RBFOX1: variants seen among roughly 807,000 people sequenced by gnomAD.
The protein encoded by RBFOX1 is RNA binding protein fox-1 homolog 1.
RBFOX1 carries 8 observed loss-of-function variants against 57.7 expected under a neutral mutation model. That is an observed-to-expected ratio of 0.14 (90% CI 0.08 to 0.25). RBFOX1 has a LOEUF of 0.25. Among genes scored for constraint, RBFOX1 ranks in the 10% least tolerant of loss-of-function variants. RBFOX1 has a pLI of 1.00. For missense variants in RBFOX1, 611 were observed against 548.5 expected (o/e 1.11, Z -1.14); for synonymous variants, 326 against 222.4 (o/e 1.47, Z -4.15).
chr16:6,674,976 G>T (rs2057371700), intron 3 of RBFOX1, among the ~76,000 whole-genome samples: 1 of 151,996 alleles, frequency 6.6e-6, no homozygotes, highest in Non-Finnish European at 1.5e-5. Flanking sequence ...CATGATCTTG[G>T]CTCACTGCAA....
intron 2 of RBFOX1, among the ~76,000 whole-genome samples, chr16:6,592,353 C>A (rs1029642427): frequency 1.6e-4 from 25 of 152,278 alleles, no homozygotes; most frequent in African/African-American, 5.8e-4. Flanking sequence ...TCTTAGCTAT[C>A]CACAAAGGGT....
chr16:6,676,142 G>GCACA lies in RBFOX1; in HGVS notation c.-16+21528_-16+21531dup, dbSNP rs59806354. Among the ~76,000 whole-genome samples, 364 of 145,952 alleles carry GCACA rather than the reference G, an allele frequency of 2.5e-3. 3 individuals carry two copies. Among genetic ancestry groups the GCACA allele is most frequent in the African/African-American group, 8.8e-3 (342 of 38,806 alleles). ...CTGCCTAGGGGACACACACACACGC[G>GCACA]CACACACACACACACACACACACAC... On this transcript the variant is annotated intron_variant, in intron 3 of 15. Transcript: ENST00000550418.
intron 3 of RBFOX1, among the ~76,000 whole-genome samples, chr16:7,004,937 A>G (rs372058572): frequency 3.3e-5 from 5 of 152,298 alleles, no homozygotes; most frequent in East Asian, 1.9e-4. Flanking sequence ...TGAGGTCAGG[A>G]GTTCGAGACC....
At chr16:6,432,113 C>T (rs1050661521) in intron 2 of RBFOX1, among the ~76,000 whole-genome samples, 6 of 151,946 alleles carry the variant, frequency 3.9e-5, no homozygotes, top group African/African-American at 1.2e-4. Flanking sequence ...AGGTGCATAC[C>T]ATCAGGCCTT....
intron 1 of RBFOX1, among the ~76,000 whole-genome samples, chr16:5,404,124 G>T (rs573959400): frequency 3.3e-5 from 5 of 151,622 alleles, no homozygotes; most frequent in Non-Finnish European, 5.9e-5. Flanking sequence ...AGATGGGGAT[G>T]ATTAACACTG....
intron 4 of RBFOX1, among the ~76,000 whole-genome samples, chr16:7,183,904 G>C (rs555622358): frequency 6.6e-6 from 1 of 152,272 alleles, no homozygotes; most frequent in African/African-American, 2.4e-5. Context: ...GTAGTTTAAA[G>C]GGGATAGATG....
chr16:7,447,430 CAAAA>C (rs202234230), intron 4 of RBFOX1, among the ~76,000 whole-genome samples: 3 of 98,534 alleles, frequency 3.0e-5, no homozygotes, highest in Admixed American at 1.1e-4. Flanking sequence ...GAGTCTATCT[CAAAA>C]AAAAAAAAAA....
chr16:7,371,660 G>A (rs2097568473), intron 4 of RBFOX1, among the ~76,000 whole-genome samples: 1 of 152,178 alleles, frequency 6.6e-6, no homozygotes, highest in South Asian at 2.1e-4. Flanking sequence ...TGAGGCAGGA[G>A]AATCGCTTGA....
chr16:7,234,178 A>T (rs1040349000), intron 4 of RBFOX1, among the ~76,000 whole-genome samples: 1 of 152,120 alleles, frequency 6.6e-6, no homozygotes, highest in Non-Finnish European at 1.5e-5. Context: ...ACGGCAGGCA[A>T]TCAAGCTGTG....
chr16:6,991,161 A>AAAAAAAAAAC lies in RBFOX1; in HGVS notation c.-15-60895_-15-60894insAAAAAAAACA, dbSNP rs1271872183. ...CAAAAAAAAAAAAAAAAAAAAAAAA[A>AAAAAAAAAAC]AGACACGGTGGCGTGTACCTTTAGT... On this transcript the variant is annotated intron_variant, in intron 3 of 15. Coordinates refer to ENST00000550418, the MANE Select transcript of RBFOX1 (RefSeq NM_018723.4). 2.1e-3 allele frequency among the ~76,000 whole-genome samples: 296 copies of AAAAAAAAAAC among 139,936 alleles called. 13 individuals carry two copies. The highest frequency in any genetic ancestry group is 7.5e-3 in the Middle Eastern group (2 of 268). The allele number at this position is 139,936 out of a possible 152,430, so 91.8% of individuals were successfully genotyped here.
chr16:6,295,070 A>G (rs1024568222), intron 1 of RBFOX1, among the ~76,000 whole-genome samples: 1 of 143,622 alleles, frequency 7.0e-6, no homozygotes, highest in African/African-American at 2.6e-5. Flanking sequence ...CTCCAAGTCC[A>G]TTTCTGGCAA....
At chr16:5,844,510 C>T (rs951456147) in intron 3 of RBFOX1, among the ~76,000 whole-genome samples, 3 of 152,114 alleles carry the variant, frequency 2.0e-5, no homozygotes, top group African/African-American at 4.8e-5. Flanking sequence ...GAAGCTCCTG[C>T]GTTCACCTTG....
intron 10 of RBFOX1, among the ~76,000 whole-genome samples, chr16:7,623,099 T>C (rs1424011827): frequency 6.6e-6 from 1 of 152,198 alleles, no homozygotes; most frequent in Non-Finnish European, 1.5e-5. Context: ...GGCTTATGGG[T>C]CACTTTGTAG....
At chr16:7,699,453 A>G (rs547329047) in intron 14 of RBFOX1, among the ~76,000 whole-genome samples, 1 of 152,096 alleles carries the variant, frequency 6.6e-6, no homozygotes, top group African/African-American at 2.4e-5. Context: ...TGGCCTACCA[A>G]AGTCCTGCGA....
intron 3 of RBFOX1, among the ~76,000 whole-genome samples, chr16:5,746,755 T>C (rs527824796): frequency 1.3e-5 from 2 of 152,354 alleles, no homozygotes; most frequent in South Asian, 4.1e-4. Context: ...GCTACTGGTG[T>C]ATAAGAATGC....
intron 3 of RBFOX1, among the ~76,000 whole-genome samples, chr16:6,921,061 C>T (rs889289554): frequency 6.6e-6 from 1 of 152,126 alleles, no homozygotes; most frequent in Admixed American, 6.6e-5. Context: ...TGGGGCTCAG[C>T]AGGTGTTGGT....
At chr16:7,425,615 A>G (rs1225859072) in intron 4 of RBFOX1, among the ~76,000 whole-genome samples, 1 of 152,142 alleles carries the variant, frequency 6.6e-6, no homozygotes, top group South Asian at 2.1e-4. Context: ...TCTGTTTCTA[A>G]ACTTCTCTGG....
chr16:6,800,518 CA>C (rs1178033629), intron 3 of RBFOX1, among the ~76,000 whole-genome samples: 1 of 152,060 alleles, frequency 6.6e-6, no homozygotes, highest in Admixed American at 6.6e-5. Flanking sequence ...CCAGGTGATT[CA>C]AAAGCCGCCC....
intron 3 of RBFOX1, among the ~76,000 whole-genome samples, chr16:6,992,807 T>C (rs919371326): frequency 3.0e-5 from 4 of 131,192 alleles, no homozygotes; most frequent in African/African-American, 2.9e-5. Flanking sequence ...CCAATGGCCA[T>C]GGCCCAGAAA....
Sources: allele counts gnomAD v4.1 joint callset (sites outside exome capture counted in the v4.1 genomes callset), GRCh38; gene constraint gnomAD v4.1.1; transcripts MANE v1.5; gene names NCBI Gene and HGNC (gene_info 2026-07-23, HGNC 2026-07-21).